ABCG1: variants seen among roughly 807,000 people sequenced by gnomAD.
The protein encoded by ABCG1 is ATP-binding cassette sub-family G member 1.
A neutral mutation model predicts 69.2 loss-of-function variants in ABCG1; 29 were observed. The ratio of observed to expected loss-of-function variants is 0.42; its 90% CI spans 0.31 to 0.57. ABCG1 has a LOEUF of 0.57. ABCG1 is among the 20% of genes least tolerant of loss of function. The pLI, the probability that ABCG1 is intolerant of heterozygous loss-of-function variation, is 0.15. For missense variants in ABCG1, 718 were observed against 898.1 expected (o/e 0.80, Z 2.56); for synonymous variants, 370 against 374.8 (o/e 0.99, Z 0.15).
chr21:42,266,207 A>G (rs2068502120), intron 2 of ABCG1, among the ~76,000 whole-genome samples: 1 of 152,196 alleles, frequency 6.6e-6, no homozygotes, highest in African/African-American at 2.4e-5. Context: ...AGGCTGAGGC[A>G]GGAGAATCGC....
chr21:42,218,029 C>T (rs1276598989), upstream of ABCG1, among the ~76,000 whole-genome samples: 1 of 152,132 alleles, frequency 6.6e-6, no homozygotes, highest in Non-Finnish European at 1.5e-5. Flanking sequence ...AAACTCATAA[C>T]CGTGTCTCCT....
rs773612796 is a variant in ABCG1 at position 42,285,830 on chromosome 21, C to T, written c.859-50C>T. ...TTGATTGATTGAGGGCTCCGGTTGC[C>T]TTCCGAGGAAGGCAGGGCTTGATCC... On this transcript the variant is annotated intron_variant, in intron 7 of 14. Transcript: ENST00000398449. 3 of 1,346,932 alleles carry T rather than the reference C, an allele frequency of 2.2e-6. No homozygotes were observed. The Admixed American group carries it at 5.1e-5, about 23-fold the overall frequency. The allele number at this position is 1,346,932 out of a possible 1,614,324, so 83.4% of individuals were successfully genotyped here.
At chr21:42,270,919 T>A (rs2068604888) in intron 2 of ABCG1, 151 bp from the exon 3 acceptor site, 1 of 509,624 alleles carries the variant, frequency 2.0e-6, no homozygotes, top group East Asian at 3.2e-5. Flanking sequence ...TCGAAAGACA[T>A]GAAGTTCATG....
At chr21:42,235,297 C>A (rs987162836) in intron 2 of ABCG1, among the ~76,000 whole-genome samples, 8 of 152,200 alleles carry the variant, frequency 5.3e-5, no homozygotes, top group African/African-American at 9.7e-5. Flanking sequence ...CGCAGGGGAA[C>A]GGCCCGCGGG....
chr21:42,289,049 AT>A (rs939567632), intron 10 of ABCG1, among the ~76,000 whole-genome samples: 6 of 152,164 alleles, frequency 3.9e-5, no homozygotes, highest in African/African-American at 1.4e-4. Context: ...AACATTGGGG[AT>A]TACAATTTGA....
At chr21:42,290,573 C>T (rs1439000435) in intron 11 of ABCG1, among the ~76,000 whole-genome samples, 6 of 152,210 alleles carry the variant, frequency 3.9e-5, no homozygotes, top group Non-Finnish European at 7.3e-5. Context: ...ACTTCGGGAG[C>T]AGATAAGCTC....
At chr21:42,292,839 CACACAGTACACACTGCACACCACACT>C (rs1329829093) in intron 13 of ABCG1, among the ~76,000 whole-genome samples, 2 of 139,994 alleles carry the variant, frequency 1.4e-5, no homozygotes, top group African/African-American at 2.7e-5. Flanking sequence ...CACTACACAC[CACACAGTACACACTGCACACCACACT>C]ACACACTACC....
intron 6 of ABCG1, 36 bp from the exon 7 acceptor site, chr21:42,284,524 G>T (rs201017553): frequency 6.2e-7 from 1 of 1,606,608 alleles, no homozygotes; most frequent in Non-Finnish European, 8.5e-7. Context: ...AGTTCCTGCC[G>T]CCCGCAGGCG....
At position 42,219,868 on chromosome 21, in the gene ABCG1, G is replaced by T; in HGVS notation, c.42+564G>T. 1 of 1,535,488 alleles carries T rather than the reference G, an allele frequency of 6.5e-7. No individual in the cohort carries two copies. The highest frequency in any genetic ancestry group is 2.0e-5 in the Admixed American group (1 of 50,356). The stretch of plus-strand genomic sequence containing the variant: ...GACACCCTCTCCCGGACCCACTCGG[G>T]GAGGCGGCGGCGAAGGCCCGGGGAG... On this transcript the variant is annotated intron_variant, in intron 1 of 14. Coordinates refer to ENST00000398449, the MANE Select transcript of ABCG1 (RefSeq NM_016818.3). This position sits in a 1 kb window ranked among gnomAD's most constrained non-coding sequence, Gnocchi z 5.3.
chr21:42,220,849 A>G (rs979581624), intron 1 of ABCG1, among the ~76,000 whole-genome samples: 6 of 152,272 alleles, frequency 3.9e-5, no homozygotes, highest in Admixed American at 2.0e-4. Context: ...TTGCAGGTAG[A>G]GAAAGTTATA....
intron 2 of ABCG1, among the ~76,000 whole-genome samples, chr21:42,247,833 A>G (rs1052168123): frequency 3.9e-5 from 6 of 152,192 alleles, no homozygotes; most frequent in African/African-American, 1.2e-4. Context: ...AGACAGCCCC[A>G]TGAAGATGGA....
At chr21:42,270,236 G>C (rs1335673231) in intron 2 of ABCG1, among the ~76,000 whole-genome samples, 1 of 130,970 alleles carries the variant, frequency 7.6e-6, no homozygotes, top group Non-Finnish European at 1.5e-5. Flanking sequence ...CTCTAGCATG[G>C]GCGACAGAGC....
chr21:42,218,433 A>ACGGC (rs564594679), upstream of ABCG1, among the ~76,000 whole-genome samples: 10,541 of 152,230 alleles, frequency 0.069, 1,224 homozygotes, highest in African/African-American at 0.24. Context: ...TTCCATGAAC[A>ACGGC]TGGCTCTGGA....
chr21:42,265,146 G>A (rs1365120011), intron 2 of ABCG1, among the ~76,000 whole-genome samples: 2 of 152,316 alleles, frequency 1.3e-5, no homozygotes, highest in African/African-American at 2.4e-5. Flanking sequence ...GCTGCACCCC[G>A]ATAACAGAGT....
intron 8 of ABCG1, among the ~76,000 whole-genome samples, chr21:42,286,717 T>C (rs1178951173): frequency 6.6e-6 from 1 of 151,238 alleles, no homozygotes; most frequent in African/African-American, 2.4e-5. Flanking sequence ...TGCATGGAGG[T>C]GAGAACCTGG....
At chr21:42,228,103 A>C (rs1166004964) in intron 2 of ABCG1, among the ~76,000 whole-genome samples, 1 of 152,170 alleles carries the variant, frequency 6.6e-6, no homozygotes, top group Non-Finnish European at 1.5e-5. Context: ...ATGAATCATC[A>C]CAGTTAGCCA....
In ABCG1 at chr21:42,219,815, A is replaced by C; in HGVS notation, c.42+511A>C. The C allele has an allele frequency of 6.9e-7, 1 of 1,447,138 alleles. No homozygotes were observed. The highest frequency in any genetic ancestry group is 9.1e-7 in the Non-Finnish European group (1 of 1,103,952). 89.6% of individuals were successfully genotyped at this position (1,447,138 alleles called of 1,614,324 possible). On this transcript the variant is annotated intron_variant, in intron 1 of 14. Coordinates refer to ENST00000398449, the MANE Select transcript of ABCG1 (RefSeq NM_016818.3). This position sits in a 1 kb window ranked among gnomAD's most constrained non-coding sequence, Gnocchi z 5.3. Reference sequence around the variant, plus strand: ...ACAAAAGAGGAAGCTGCCCCCAGAGAGCCGGAGCCTGCGACTGCACTCCCG... The same window carrying C: ...ACAAAAGAGGAAGCTGCCCCCAGAGCGCCGGAGCCTGCGACTGCACTCCCG...
chr21:42,291,554 C>T lies in ABCG1; in HGVS notation c.1551C>T (p.Ser517=), dbSNP rs150671557. 2.4e-5 allele frequency: 38 copies of T among 1,613,476 alleles called. No homozygotes were observed. The highest frequency in any genetic ancestry group is 2.1e-4 in the African/African-American group (16 of 74,914). The change falls in exon 13 of 15, where the codon TCC becomes TCT. Residue 517 remains serine (S), a synonymous_variant. Coordinates refer to ENST00000398449, the MANE Select transcript of ABCG1 (RefSeq NM_016818.3). This position sits in a 1 kb window ranked among gnomAD's most constrained non-coding sequence, Gnocchi z 6.4. ...SIVYWMTSQP[S]DAVRFVLFAA... ...TGTACTGGATGACGTCGCAGCCGTC[C>T]GACGCCGTGCGCTTTGTGCTGTTTG... is the stretch of plus-strand genomic sequence containing the variant.
Position 42,273,067 on chromosome 21 carries a change from C to G in ABCG1, c.405-236C>G, listed in dbSNP as rs532485333. 6.6e-6 allele frequency among the ~76,000 whole-genome samples: 1 copy of G among 152,350 alleles called. No homozygotes were observed. The highest frequency in any genetic ancestry group is 2.1e-4 in the South Asian group (1 of 4,826). ...TATAAACACACCATCCCACGGAGGCCTGTGTGCAGCTTCCTCTTCCCAGCA... is the reference window on the plus strand; with the variant it reads ...TATAAACACACCATCCCACGGAGGCGTGTGTGCAGCTTCCTCTTCCCAGCA... On this transcript the variant is annotated intron_variant, in intron 3 of 14. Transcript: ENST00000398449. This position sits in a 1 kb window ranked among gnomAD's most constrained non-coding sequence, Gnocchi z 5.3.
Sources: allele counts gnomAD v4.1 joint callset (sites outside exome capture counted in the v4.1 genomes callset), GRCh38; gene constraint gnomAD v4.1.1; non-coding constraint Gnocchi (gnomAD v3.1); transcripts MANE v1.5; gene names NCBI Gene and HGNC (gene_info 2026-07-23, HGNC 2026-07-21).